NECAB2: variants seen among roughly 807,000 people sequenced by gnomAD.
NECAB2 encodes N-terminal EF-hand calcium binding protein 2, also known as N-terminal EF-hand calcium-binding protein 2.
A neutral mutation model predicts 51.9 loss-of-function variants in NECAB2; 68 were observed. That is an observed-to-expected ratio of 1.31 (90% CI 1.08 to 1.60). NECAB2 has a LOEUF of 1.60. NECAB2 is among the 40% of genes most tolerant of loss of function. The pLI is 0.00. For missense variants in NECAB2, 854 were observed against 490.3 expected (o/e 1.74, Z -7.00); for synonymous variants, 329 against 203.5 (o/e 1.62, Z -5.25).
At chr16:83,974,059 G>C (rs1484666875) in intron 2 of NECAB2, among the ~76,000 whole-genome samples, 1 of 151,924 alleles carries the variant, frequency 6.6e-6, no homozygotes, top group Non-Finnish European at 1.5e-5. Flanking sequence ...ACAGCTGTGG[G>C]ACTCTCAGTT....
At chr16:83,972,202 C>T (rs371520402) in intron 2 of NECAB2, 27 bp downstream of exon 2, 41 of 1,613,378 alleles carry the variant, frequency 2.5e-5, no homozygotes, top group South Asian at 5.5e-5. Context: ...GGCCGACGGC[C>T]GCCCCACTCC....
intron 5 of NECAB2, among the ~76,000 whole-genome samples, chr16:83,983,656 C>T (rs1473713238): frequency 1.3e-5 from 2 of 152,040 alleles, no homozygotes; most frequent in African/African-American, 4.8e-5. Flanking sequence ...TTGAACAATC[C>T]TTCGCTCCCT....
chr16:83,988,754 C>A (rs2084586029), intron 5 of NECAB2, among the ~76,000 whole-genome samples: 1 of 152,184 alleles, frequency 6.6e-6, no homozygotes, highest in Non-Finnish European at 1.5e-5. Flanking sequence ...AACTTGTCCA[C>A]TGGATGCAAA....
intron 10 of NECAB2, among the ~76,000 whole-genome samples, chr16:83,999,903 CCAAATCTTG>C (rs2084791084): frequency 6.7e-6 from 1 of 148,536 alleles, no homozygotes; most frequent in Admixed American, 6.6e-5. Context: ...TTTTTTGAGA[CCAAATCTTG>C]CTTTATTGTC....
At chr16:83,998,115 C>T (rs1448687987) in intron 9 of NECAB2, 90 bp from the exon 10 acceptor site, 14 of 1,120,046 alleles carry the variant, frequency 1.2e-5, no homozygotes, top group Admixed American at 1.1e-4. Flanking sequence ...TTTATTTTGA[C>T]CGAGGAAGGG....
chr16:83,992,365 C>G (rs1305548032), intron 6 of NECAB2, among the ~76,000 whole-genome samples: 1 of 134,490 alleles, frequency 7.4e-6, no homozygotes, highest in African/African-American at 3.7e-5. Flanking sequence ...TCCCGGGGAA[C>G]ACGAGCACCC....
At chr16:84,001,457 C>T (rs1193495165) in intron 11 of NECAB2, among the ~76,000 whole-genome samples, 1 of 152,164 alleles carries the variant, frequency 6.6e-6, no homozygotes, top group African/African-American at 2.4e-5. Flanking sequence ...CCCTCCCTGT[C>T]CGTACTTCAG....
chr16:84,002,214 G>T (rs2084850687), intron 12 of NECAB2, 104 bp from the exon 13 acceptor site: 2 of 1,400,294 alleles, frequency 1.4e-6, no homozygotes, highest in East Asian at 2.3e-5. Flanking sequence ...TGTCACACAA[G>T]GACTCAAAGC....
Position 84,002,408 on chromosome 16 carries a change from T to C in NECAB2, c.*62T>C. 6.4e-7 allele frequency: 1 copy of C among 1,567,170 alleles called. No homozygotes were observed. Among genetic ancestry groups the C allele is most frequent in the Non-Finnish European group, 8.8e-7 (1 of 1,138,424 alleles). On this transcript the variant is annotated 3_prime_UTR_variant, in exon 13 of 13. Transcript: ENST00000305202. ...CCTTCTTCTTGTGAAGGAAATCCCG[T>C]TTTTTTCTAGACAGACACTTTGGTG... is the stretch of plus-strand genomic sequence containing the variant.
chr16:84,001,906 C>T lies in NECAB2; in HGVS notation c.1122C>T (p.Ile374=), dbSNP rs950472117. ...GCCAGCCTGAGGCCCTCTCCAGGAT[C>T]TTGGTGCCAGGTAGGGGGCAAAGGC... ...TLSQPEALSR[I]LVPAAWCTVG... The change falls in exon 12 of 13, where the codon ATC becomes ATT. Residue 374 remains isoleucine, a synonymous_variant. Transcript: ENST00000305202. 5 of 1,613,970 alleles carry T rather than the reference C, an allele frequency of 3.1e-6. No homozygotes were observed. In the Admixed American group the frequency reaches 5.0e-5, roughly 16 times the overall value.
chr16:83,988,484 T>C lies in NECAB2; in HGVS notation c.460-2010T>C, dbSNP rs996043636. On this transcript the variant is annotated intron_variant, in intron 5 of 12. Coordinates refer to ENST00000305202, the MANE Select transcript of NECAB2 (RefSeq NM_019065.3). ...TTAGGCTTTTTTCCCCTATGCTTTA[T>C]TGACTAAATCCAATATAGTTGAAAT... Among the ~76,000 whole-genome samples, 4 of 152,266 alleles carry C rather than the reference T, an allele frequency of 2.6e-5. No homozygotes were observed. In the South Asian group the frequency reaches 8.3e-4, roughly 31 times the overall value.
intron 2 of NECAB2, among the ~76,000 whole-genome samples, chr16:83,973,715 G>A (rs1011289970): frequency 6.6e-6 from 1 of 152,076 alleles, no homozygotes; most frequent in African/African-American, 2.4e-5. Flanking sequence ...CTTGTCCCGG[G>A]CCTGATACCC....
At chr16:83,979,997 TGG>T (rs2084463878) in intron 3 of NECAB2, among the ~76,000 whole-genome samples, 1 of 152,192 alleles carries the variant, frequency 6.6e-6, no homozygotes, top group Non-Finnish European at 1.5e-5. Context: ...AGATGGAGGT[TGG>T]AGGCACCTCC....
At chr16:83,975,595 A>G (rs1420332042) in intron 2 of NECAB2, among the ~76,000 whole-genome samples, 2 of 152,070 alleles carry the variant, frequency 1.3e-5, no homozygotes, top group African/African-American at 4.8e-5. Flanking sequence ...CCTGTGACAG[A>G]GACTTGTTTG....
intron 8 of NECAB2, 79 bp downstream of exon 8, chr16:83,994,767 A>G (rs2084673731): frequency 3.3e-6 from 5 of 1,519,088 alleles, no homozygotes; most frequent in African/African-American, 2.7e-5. Context: ...GTTCAGGACA[A>G]AAGTCTGGGC....
At chr16:83,986,078 G>C (rs1036647328) in intron 5 of NECAB2, among the ~76,000 whole-genome samples, 1 of 152,048 alleles carries the variant, frequency 6.6e-6, no homozygotes, top group African/African-American at 2.4e-5. Flanking sequence ...GTACAATGGA[G>C]TGATCTCAGC....
intron 5 of NECAB2, among the ~76,000 whole-genome samples, chr16:83,983,755 A>AG (rs1289885380): frequency 3.3e-5 from 5 of 152,106 alleles, no homozygotes; most frequent in African/African-American, 1.2e-4. Flanking sequence ...CTCCATTGGG[A>AG]GTGGAGATCG....
At chr16:83,986,546 TG>T (rs2151092596) in intron 5 of NECAB2, among the ~76,000 whole-genome samples, 1 of 152,262 alleles carries the variant, frequency 6.6e-6, no homozygotes, top group South Asian at 2.1e-4. Flanking sequence ...GGGGTCTTGT[TG>T]TGTTGCCCAG....
Position 83,968,391 on chromosome 16 carries a change from G to C in NECAB2, c.-258G>C, listed in dbSNP as rs1443719123. The stretch of plus-strand genomic sequence containing the variant: ...TAGCCCCCTCTGTGGCTGCGCCCGC[G>C]CCCCTCGCCCCGGCGGGCAGTCCTC... On this transcript the variant is annotated 5_prime_UTR_variant, in exon 1 of 13. Coordinates refer to ENST00000305202, the MANE Select transcript of NECAB2 (RefSeq NM_019065.3). Among the ~76,000 whole-genome samples the C allele has an allele frequency of 6.7e-6, 1 of 149,516 alleles. No individual in the cohort carries two copies. The highest frequency in any genetic ancestry group is 1.5e-5 in the Non-Finnish European group (1 of 67,236).
Sources: allele counts gnomAD v4.1 joint callset (sites outside exome capture counted in the v4.1 genomes callset), GRCh38; gene constraint gnomAD v4.1.1; transcripts MANE v1.5; gene names NCBI Gene and HGNC (gene_info 2026-07-23, HGNC 2026-07-21).